TANC2: variants seen among roughly 807,000 people sequenced by gnomAD.
TANC2 encodes protein TANC2.
TANC2 carries 26 observed loss-of-function variants against 210.5 expected under a neutral mutation model. The ratio of observed to expected loss-of-function variants is 0.12; its 90% CI spans 0.09 to 0.17. The LOEUF is 0.17. Ranked by LOEUF, TANC2 falls within the 10% of genes least tolerant of loss-of-function variation. TANC2 has a pLI of 1.00. For synonymous variants in TANC2, 931 were observed against 967.1 expected, an observed-to-expected ratio of 0.96 and a Z score of 0.69; for missense variants, 2,129 against 2,608.9, an observed-to-expected ratio of 0.82 and a Z score of 4.01.
chr17:62,994,282 A>G (rs1337522787), intron 1 of TANC2, among the ~76,000 whole-genome samples: 3 of 151,418 alleles, frequency 2.0e-5, no homozygotes, highest in Non-Finnish European at 4.4e-5. Context: ...CCTGGGTTCA[A>G]GCGATTCTCC....
intron 5 of TANC2, among the ~76,000 whole-genome samples, chr17:63,169,443 C>G (rs2040325376): frequency 3.3e-5 from 5 of 152,172 alleles, no homozygotes; most frequent in African/African-American, 1.2e-4. Flanking sequence ...GTGGCTCTCT[C>G]TAGGCAGTAC....
chr17:63,178,107 G>A lies in TANC2; in HGVS notation c.434-15884G>A, dbSNP rs187357818. 6.8e-3 allele frequency among the ~76,000 whole-genome samples: 1,032 copies of A among 152,292 alleles called. 11 individuals carry two copies. The highest frequency in any genetic ancestry group is 0.02 in the African/African-American group (829 of 41,572). ...AGCACTTTGGGAGGCCAAGGTGGGC[G>A]GGTCACAAGGTCAGGAGATCGAGAC... On this transcript the variant is annotated intron_variant, in intron 5 of 27. Coordinates refer to ENST00000689528, the Ensembl canonical transcript of TANC2.
chr17:63,329,220 A>T (rs1468389500), intron 11 of TANC2, among the ~76,000 whole-genome samples: 1 of 152,188 alleles, frequency 6.6e-6, no homozygotes, highest in African/African-American at 2.4e-5. Flanking sequence ...ATTTTAAGAA[A>T]AATTATAGCA....
At position 63,389,304 on chromosome 17, in the gene TANC2, C is replaced by G. The variant is rs1015644879; in HGVS notation, c.2815-4C>G. The G allele has an allele frequency of 6.2e-6, 10 of 1,607,384 alleles. No homozygotes were observed. The highest frequency in any genetic ancestry group is 8.5e-6 in the Non-Finnish European group (10 of 1,174,922). On this transcript the variant is annotated splice_region_variant and splice_polypyrimidine_tract_variant and intron_variant, in intron 16 of 27. Coordinates refer to ENST00000689528, the Ensembl canonical transcript of TANC2. ...AATTATTAGTTCTGTTTGTTTATTT[C>G]TAGGTCAGCCGACTGCTGATTTTGG...
At chr17:63,362,880 G>A (rs1416098960) in intron 14 of TANC2, among the ~76,000 whole-genome samples, 1 of 152,136 alleles carries the variant, frequency 6.6e-6, no homozygotes, top group African/African-American at 2.4e-5. Context: ...CTCAGGAGGG[G>A]GCAGGGCTCC....
chr17:63,403,681 C>T (rs947461049), intron 19 of TANC2, among the ~76,000 whole-genome samples: 1 of 152,160 alleles, frequency 6.6e-6, no homozygotes, highest in Non-Finnish European at 1.5e-5. Flanking sequence ...ATGCCAATGT[C>T]AGGAGTTCCA....
At chr17:63,353,879 T>G (rs1283718786) in intron 13 of TANC2, among the ~76,000 whole-genome samples, 1 of 152,080 alleles carries the variant, frequency 6.6e-6, no homozygotes, top group Non-Finnish European at 1.5e-5. Flanking sequence ...AAAGTGAAAG[T>G]TACTGATGCC....
intron 4 of TANC2, among the ~76,000 whole-genome samples, chr17:63,134,288 C>CA (rs1013240441): frequency 1.3e-5 from 2 of 152,134 alleles, no homozygotes; most frequent in African/African-American, 4.8e-5. Context: ...CCTGTCATAT[C>CA]ACCACCCCCA....
Position 63,143,458 on chromosome 17 carries a change from T to C in TANC2, c.323-7812T>C, listed in dbSNP as rs988960084. 2.6e-5 allele frequency among the ~76,000 whole-genome samples: 4 copies of C among 152,328 alleles called. No individual in the cohort carries two copies. In the South Asian group the frequency reaches 8.3e-4, roughly 32 times the overall value. ...TAGAGCTTTTAGCAATATTTGCCTG[T>C]GTATAAAATTATCAATTTATATTTC... On this transcript the variant is annotated intron_variant, in intron 4 of 27. Coordinates refer to ENST00000689528, the Ensembl canonical transcript of TANC2.
intron 8 of TANC2, among the ~76,000 whole-genome samples, chr17:63,249,272 T>C (rs1435737165): frequency 5.9e-5 from 9 of 152,188 alleles, no homozygotes; most frequent in Admixed American, 5.9e-4. Context: ...TTCTAAAATA[T>C]TAAAAAGATT....
At chr17:63,344,203 A>C (rs1224930865) in intron 12 of TANC2, among the ~76,000 whole-genome samples, 2 of 152,182 alleles carry the variant, frequency 1.3e-5, no homozygotes, top group African/African-American at 2.4e-5. Flanking sequence ...TGCGCACTTC[A>C]TCTAATGCCT....
intron 5 of TANC2, among the ~76,000 whole-genome samples, chr17:63,159,880 A>C (rs908455321): frequency 2.6e-5 from 4 of 152,320 alleles, no homozygotes; most frequent in East Asian, 3.9e-4. Flanking sequence ...AAAATACCAT[A>C]GATTGGGTGG....
intron 5 of TANC2, among the ~76,000 whole-genome samples, chr17:63,173,813 T>A (rs911589530): frequency 6.6e-6 from 1 of 152,170 alleles, no homozygotes; most frequent in Admixed American, 6.5e-5. Flanking sequence ...ACAAAATAAA[T>A]TTTTTAATAA....
chr17:63,424,541 G>C (rs568013119), exon 28 of TANC2: 1 of 152,162 alleles, frequency 6.6e-6, no homozygotes, highest in Non-Finnish European at 1.5e-5. Flanking sequence ...GGCTTCAGGT[G>C]GGAGGAAATG....
chr17:63,065,061 T>C (rs2036148086), intron 2 of TANC2, among the ~76,000 whole-genome samples: 2 of 152,166 alleles, frequency 1.3e-5, no homozygotes, highest in African/African-American at 2.4e-5. Flanking sequence ...CCCTGCTCCC[T>C]CCAAGCCCCT....
At chr17:63,365,534 A>G (rs939646389) in intron 14 of TANC2, among the ~76,000 whole-genome samples, 1 of 152,176 alleles carries the variant, frequency 6.6e-6, no homozygotes, top group Non-Finnish European at 1.5e-5. Flanking sequence ...TCTTCCTGAA[A>G]ATCCTCCAGT....
At chr17:63,020,551 T>A (rs549134623) in intron 2 of TANC2, among the ~76,000 whole-genome samples, 1 of 152,156 alleles carries the variant, frequency 6.6e-6, no homozygotes, top group Non-Finnish European at 1.5e-5. Context: ...TGTGTTTAAT[T>A]TCTGTCAACA....
At position 63,392,480 on chromosome 17, in the gene TANC2, A is replaced by T. The variant is rs181016303; in HGVS notation, c.3051+2936A>T. ...TTCATTTAGTGGCCAGCACTTTTCA[A>T]TGTTATCCTCAAAAGAGCTTGAGAA... On this transcript the variant is annotated intron_variant, in intron 17 of 27. Transcript: ENST00000689528. Among the ~76,000 whole-genome samples, 3 of 152,096 alleles carry T rather than the reference A, an allele frequency of 2.0e-5. No individual in the cohort carries two copies. In the East Asian group the frequency reaches 5.8e-4, roughly 29 times the overall value.
At chr17:63,219,936 A>G (rs72845216) in intron 7 of TANC2, among the ~76,000 whole-genome samples, 6,430 of 152,314 alleles carry the variant, frequency 0.042, 214 homozygotes, top group Non-Finnish European at 0.069. Flanking sequence ...GAGGTTTACT[A>G]TAAAACTGCA....
Sources: gnomAD v4.1 joint callset for allele counts (sites outside exome capture counted in the v4.1 genomes callset) on GRCh38, gnomAD v4.1.1 for gene constraint, MANE v1.5 for transcripts, NCBI Gene and HGNC (gene_info 2026-07-23, HGNC 2026-07-21) for gene names.